Variants in EPM2A observed in about 807,000 individuals in gnomAD.
EPM2A encodes laforin.
In EPM2A, 21 loss-of-function variants were observed where a neutral mutation model predicts 26.5. The observed-to-expected ratio is 0.79, with a 90% confidence interval of 0.56 to 1.14. The LOEUF is 1.14. Ranked by LOEUF, EPM2A falls within the 50% of genes most tolerant of loss-of-function variation. The probability of loss-of-function intolerance (pLI) is 0.00; values close to 1 mark genes in which losing one functional copy is unlikely to be tolerated. For synonymous variants in EPM2A, 217 were observed against 177.6 expected (o/e 1.22, Z -1.76); for missense variants, 458 against 440.8 (o/e 1.04, Z -0.35).
At chr6:145,674,377 G>T (rs1779868848) in intron 2 of EPM2A, among the ~76,000 whole-genome samples, 1 of 152,160 alleles carries the variant, frequency 6.6e-6, no homozygotes, top group African/African-American at 2.4e-5. Context: ...GAGCACCTCT[G>T]CTCCTCCAAA....
chr6:145,391,260 T>G (rs759349450), intron 4 of EPM2A, among the ~76,000 whole-genome samples: 2 of 152,158 alleles, frequency 1.3e-5, no homozygotes, highest in Non-Finnish European at 2.9e-5. Context: ...ATTGCTGATT[T>G]CAACCATCAG....
chr6:145,670,907 C>T (rs1157941864), intron 2 of EPM2A: 1 of 985,048 alleles, frequency 1.0e-6, no homozygotes, highest in Non-Finnish European at 1.2e-6. Context: ...AAAAATCATT[C>T]CCCAGTCAGA....
intron 1 of EPM2A, among the ~76,000 whole-genome samples, chr6:145,729,101 G>A (rs1376650368): frequency 6.6e-6 from 1 of 152,222 alleles, no homozygotes; most frequent in Non-Finnish European, 1.5e-5. Context: ...GAGGGCAAGA[G>A]TTTAGGCTTG....
intron 2 of EPM2A, among the ~76,000 whole-genome samples, chr6:145,556,288 G>T (rs1186141418): frequency 6.6e-6 from 1 of 152,110 alleles, no homozygotes; most frequent in Non-Finnish European, 1.5e-5. Flanking sequence ...GGGAAGGAGG[G>T]TTAACCACTA....
intron 2 of EPM2A, among the ~76,000 whole-genome samples, chr6:145,506,520 G>T (rs985333685): frequency 1.3e-5 from 2 of 151,768 alleles, no homozygotes; most frequent in Non-Finnish European, 2.9e-5. Context: ...AGATAGAATG[G>T]TGTACAGTTA....
chr6:145,460,520 G>C (rs1779315949), intron 4 of EPM2A, among the ~76,000 whole-genome samples: 1 of 152,114 alleles, frequency 6.6e-6, no homozygotes. Context: ...CCTCACACTG[G>C]GTTAGTGCAC....
At chr6:145,511,075 G>A (rs1441573361) in intron 2 of EPM2A, among the ~76,000 whole-genome samples, 1 of 150,880 alleles carries the variant, frequency 6.6e-6, no homozygotes, top group Non-Finnish European at 1.5e-5. Flanking sequence ...CACCAATAAC[G>A]AGTAATGAAA....
At chr6:145,467,873 T>C (rs2114722688) in intron 4 of EPM2A, among the ~76,000 whole-genome samples, 1 of 152,248 alleles carries the variant, frequency 6.6e-6, no homozygotes, top group South Asian at 2.1e-4. Flanking sequence ...TGGGATATTA[T>C]TCCATGACAT....
intron 4 of EPM2A, among the ~76,000 whole-genome samples, chr6:145,455,832 A>G (rs1257782431): frequency 6.6e-6 from 1 of 152,138 alleles, no homozygotes; most frequent in Non-Finnish European, 1.5e-5. Context: ...TTTTCTGAAA[A>G]ATTTTTACAT....
chr6:145,478,874 A>G (rs9403707), intron 4 of EPM2A, among the ~76,000 whole-genome samples: 73,455 of 151,366 alleles, frequency 0.49, 17,869 homozygotes, highest in South Asian at 0.6. Context: ...ATAATTTTAC[A>G]CAAGTTATTA....
Position 145,432,875 on chromosome 6 carries a change from C to A in EPM2A, c.556-48778G>T, listed in dbSNP as rs548116735. Among the ~76,000 whole-genome samples the A allele has an allele frequency of 7.2e-5, 11 of 152,320 alleles. No homozygotes were observed. In the South Asian group the frequency reaches 2.1e-3, roughly 29 times the overall value. ...CTGGAAACTTGCTGCAGCTTATAAT[C>A]AGCAATTGCTTTTTTACCTTGTACT... On this transcript the variant is annotated intron_variant, in intron 4 of 4. Transcript: ENST00000638717.
chr6:145,512,094 T>C (rs1176900457), intron 2 of EPM2A, among the ~76,000 whole-genome samples: 2 of 150,596 alleles, frequency 1.3e-5, no homozygotes, highest in East Asian at 3.9e-4. Context: ...TACAAAACGC[T>C]GATGAAAGAA....
At chr6:145,619,208 T>C (rs772676112) in intron 2 of EPM2A, among the ~76,000 whole-genome samples, 3 of 152,110 alleles carry the variant, frequency 2.0e-5, no homozygotes, top group Non-Finnish European at 4.4e-5. Flanking sequence ...TTCTGAAAGA[T>C]GTTTTGAAAC....
At chr6:145,544,934 A>G (rs1329637609) in intron 2 of EPM2A, among the ~76,000 whole-genome samples, 1 of 152,222 alleles carries the variant, frequency 6.6e-6, no homozygotes, top group Non-Finnish European at 1.5e-5. Context: ...AGCTTTAAGC[A>G]TATTCAGTTG....
At chr6:145,567,520 G>C (rs961090110) in intron 2 of EPM2A, among the ~76,000 whole-genome samples, 3 of 152,178 alleles carry the variant, frequency 2.0e-5, no homozygotes, top group Non-Finnish European at 4.4e-5. Context: ...AGGTGGATTG[G>C]TTCTTATTGA....
chr6:145,511,818 AATT>A, intron 2 of EPM2A, among the ~76,000 whole-genome samples: 1 of 152,320 alleles, frequency 6.6e-6, no homozygotes, highest in South Asian at 2.1e-4. Context: ...GAGGAAGTCA[AATT>A]ATTATTGTTC....
exon 5 of EPM2A, chr6:145,383,753 A>G (rs191521776): frequency 7.2e-5 from 11 of 152,380 alleles, no homozygotes; most frequent in East Asian, 5.8e-4. Flanking sequence ...TCATTTAAAT[A>G]AAAACATAAG....
chr6:145,488,495 T>TTGTGTGTGTG lies in EPM2A; in HGVS notation c.555+14017_555+14026dup, dbSNP rs146792300. On this transcript the variant is annotated intron_variant, in intron 4 of 4. Transcript: ENST00000638717. ...TTTGTGTCATCTCTAATTTGTGTGGTTGTGTGTGTGTGTGTGTGTGTGTGT... is the reference window on the plus strand; with the variant it reads ...TTTGTGTCATCTCTAATTTGTGTGGTTGTGTGTGTGTGTGTGTGTGTGTGTGTGTGTGTGT... Among the ~76,000 whole-genome samples the TTGTGTGTGTG allele has an allele frequency of 1.0e-3, 132 of 132,006 alleles. 1 individual carries two copies. The highest frequency in any genetic ancestry group is 6.2e-3 in the East Asian group (27 of 4,368). The allele number at this position is 132,006 out of a possible 152,430, so 86.6% of individuals were successfully genotyped here.
chr6:145,580,960 A>T (rs1781104867), intron 2 of EPM2A, among the ~76,000 whole-genome samples: 1 of 152,118 alleles, frequency 6.6e-6, no homozygotes, highest in African/African-American at 2.4e-5. Context: ...GCTTTTTTGA[A>T]TAGTGCTTTG....
Sources: gnomAD v4.1 joint callset for allele counts (sites outside exome capture counted in the v4.1 genomes callset) on GRCh38, gnomAD v4.1.1 for gene constraint, MANE v1.5 for transcripts, NCBI Gene and HGNC (gene_info 2026-07-23, HGNC 2026-07-21) for gene names.